AKAP13: variants seen among roughly 807,000 people sequenced by gnomAD.
The protein encoded by AKAP13 is A-kinase anchoring protein 13, also known as A-kinase anchor protein 13.
In AKAP13, 80 loss-of-function variants were observed where a neutral mutation model predicts 264.5. The ratio of observed to expected loss-of-function variants is 0.30; its 90% CI spans 0.25 to 0.36. The LOEUF (loss-of-function observed/expected upper bound fraction) is 0.36, where lower values mean the gene tolerates loss of function less well. AKAP13 is among the 10% of genes least tolerant of loss of function. AKAP13 has a pLI of 1.00. For missense variants in AKAP13, 3,712 were observed against 3,435.2 expected (o/e 1.08, Z -2.01); for synonymous variants, 1,380 against 1,250.2 (o/e 1.10, Z -2.19).
At chr15:85,589,455 T>TA (rs1308212432) in intron 8 of AKAP13, among the ~76,000 whole-genome samples, 1 of 151,986 alleles carries the variant, frequency 6.6e-6, no homozygotes, top group East Asian at 1.9e-4. Context: ...TTCCAGCCAT[T>TA]AAAAAAATGT....
chr15:85,689,514 C>T (rs1413990018), intron 16 of AKAP13, among the ~76,000 whole-genome samples: 1 of 152,178 alleles, frequency 6.6e-6, no homozygotes, highest in African/African-American at 2.4e-5. Flanking sequence ...TACCGTTAGC[C>T]TGTTTCTCCA....
intron 11 of AKAP13, among the ~76,000 whole-genome samples, chr15:85,656,857 C>G (rs1274443576): frequency 6.6e-6 from 1 of 152,088 alleles, no homozygotes; most frequent in Non-Finnish European, 1.5e-5. Context: ...GTGCTTATTC[C>G]AAAGCTACTT....
chr15:85,384,716 G>GAA lies in AKAP13; in HGVS notation c.-12+3934_-12+3935dup, dbSNP rs34573727. Among the ~76,000 whole-genome samples, 16 of 113,846 alleles carry GAA rather than the reference G, an allele frequency of 1.4e-4. No individual in the cohort carries two copies. The East Asian group carries it at 3.3e-3, about 24-fold the overall frequency. The allele number at this position is 113,846 out of a possible 152,430, so 74.7% of individuals were successfully genotyped here. A position where few individuals can be genotyped will look rare whatever the true frequency, so the allele number is the denominator to read the frequency against. On this transcript the variant is annotated intron_variant, in intron 1 of 36. Coordinates refer to ENST00000394518, the MANE Select transcript of AKAP13 (RefSeq NM_007200.5). ...TGGGCGACAGAGCGAGACTCCGTCT[G>GAA]AAAAAAAAAAAAAAAAAGGTTTGTT...
At chr15:85,610,845 G>A (rs1282883852) in intron 8 of AKAP13, among the ~76,000 whole-genome samples, 1 of 152,174 alleles carries the variant, frequency 6.6e-6, no homozygotes, top group Admixed American at 6.5e-5. Flanking sequence ...CGGGCGTGGT[G>A]GCAGGCGCTT....
intron 7 of AKAP13, 21 bp from the exon 8 acceptor site, chr15:85,585,681 G>GT (rs1336596881): frequency 1.9e-6 from 3 of 1,613,842 alleles, no homozygotes; most frequent in Non-Finnish European, 2.5e-6. Context: ...AATGTACTCT[G>GT]TAACCCCCCT....
At chr15:85,574,631 C>T (rs773545526) in intron 5 of AKAP13, among the ~76,000 whole-genome samples, 4 of 152,068 alleles carry the variant, frequency 2.6e-5, no homozygotes, top group Non-Finnish European at 5.9e-5. Context: ...TAATTGACTT[C>T]AATAATCTTG....
At chr15:85,714,813 A>G (rs2086829871) in intron 19 of AKAP13, among the ~76,000 whole-genome samples, 1 of 152,160 alleles carries the variant, frequency 6.6e-6, no homozygotes, top group African/African-American at 2.4e-5. Context: ...TTAAAAATAC[A>G]AAAATTAGCC....
At chr15:85,566,570 T>C (rs989311901) in intron 5 of AKAP13, among the ~76,000 whole-genome samples, 3 of 151,938 alleles carry the variant, frequency 2.0e-5, no homozygotes, top group Admixed American at 1.3e-4. Flanking sequence ...TTTATGAGGC[T>C]AGACCATTAA....
At chr15:85,725,842 C>T (rs1418647031) in intron 26 of AKAP13, among the ~76,000 whole-genome samples, 1 of 152,210 alleles carries the variant, frequency 6.6e-6, no homozygotes, top group Non-Finnish European at 1.5e-5. Flanking sequence ...GCCCTATATT[C>T]ACATGTACCT....
At chr15:85,624,348 C>G (rs894295024) in intron 8 of AKAP13, 1 of 152,190 alleles carries the variant, frequency 6.6e-6, no homozygotes, top group African/African-American at 2.4e-5. Context: ...CGATTCCCCC[C>G]CGACTCACGA....
At chr15:85,616,802 G>T (rs1482312078) in intron 8 of AKAP13, among the ~76,000 whole-genome samples, 1 of 152,232 alleles carries the variant, frequency 6.6e-6, no homozygotes, top group Non-Finnish European at 1.5e-5. Flanking sequence ...GCACAAGACT[G>T]CAGATTCTGT....
At chr15:85,690,400 TAAAAG>T (rs896677908) in intron 16 of AKAP13, among the ~76,000 whole-genome samples, 1 of 152,214 alleles carries the variant, frequency 6.6e-6, no homozygotes, top group Non-Finnish European at 1.5e-5. Context: ...AAAATTTAGT[TAAAAG>T]AAAGAAATTA....
At chr15:85,713,624 T>A (rs554854593) in intron 19 of AKAP13, among the ~76,000 whole-genome samples, 1 of 152,304 alleles carries the variant, frequency 6.6e-6, no homozygotes, top group Admixed American at 6.5e-5. Context: ...TTGTGTACTT[T>A]CTGCAGCTAG....
chr15:85,506,292 CA>C (rs998631784), intron 2 of AKAP13, among the ~76,000 whole-genome samples: 28 of 151,962 alleles, frequency 1.8e-4, no homozygotes, highest in Admixed American at 1.5e-3. Flanking sequence ...TCAAAAACAA[CA>C]AAAAAAGAAA....
intron 8 of AKAP13, among the ~76,000 whole-genome samples, chr15:85,599,387 A>G (rs1296369962): frequency 6.6e-6 from 1 of 152,200 alleles, no homozygotes; most frequent in East Asian, 1.9e-4. Context: ...AAAGAATAGA[A>G]TTTGTCATTG....
intron 1 of AKAP13, among the ~76,000 whole-genome samples, chr15:85,450,272 G>A (rs187710298): frequency 1.6e-4 from 25 of 151,984 alleles, no homozygotes; most frequent in Non-Finnish European, 2.2e-4. Context: ...CATTCCCTGC[G>A]TCACTTCTAA....
chr15:85,538,735 C>T (rs560915329), intron 4 of AKAP13, among the ~76,000 whole-genome samples: 20 of 151,374 alleles, frequency 1.3e-4, no homozygotes, highest in Admixed American at 7.2e-4. Flanking sequence ...GTGATCCTCC[C>T]GCCTCGGCCT....
intron 9 of AKAP13, among the ~76,000 whole-genome samples, chr15:85,643,989 T>C (rs1447596354): frequency 1.3e-5 from 2 of 152,232 alleles, no homozygotes; most frequent in African/African-American, 4.8e-5. Flanking sequence ...TACTATTTAC[T>C]AATAGAGACT....
At chr15:85,517,588 A>G (rs1013458086) in intron 2 of AKAP13, among the ~76,000 whole-genome samples, 1 of 152,144 alleles carries the variant, frequency 6.6e-6, no homozygotes, top group Non-Finnish European at 1.5e-5. Flanking sequence ...GTATGTAGCT[A>G]CTCTAAGAAT....
Sources: allele counts gnomAD v4.1 joint callset (sites outside exome capture counted in the v4.1 genomes callset), GRCh38; gene constraint gnomAD v4.1.1; transcripts MANE v1.5; gene names NCBI Gene and HGNC (gene_info 2026-07-23, HGNC 2026-07-21).